The following NR2F1-AS1 variants were observed in gnomAD, a reference collection of about 807,000 sequenced individuals.
NR2F1-AS1 encodes the protein NR2F1 regulatory antisense RNA 1.
chr5:93,468,104 G>A (rs890619825), intron 4 of NR2F1-AS1, among the ~76,000 whole-genome samples: 10 of 152,110 alleles, frequency 6.6e-5, no homozygotes, highest in African/African-American at 2.4e-4. Context: ...GAATAGTGCC[G>A]CAATAAACAT....
chr5:93,479,587 C>A (rs956999050), intron 4 of NR2F1-AS1, among the ~76,000 whole-genome samples: 1 of 152,114 alleles, frequency 6.6e-6, no homozygotes, highest in African/African-American at 2.4e-5. Context: ...TGCCACATTA[C>A]GGTATTCAAA....
At chr5:93,453,947 TA>T (rs1212005836) in intron 4 of NR2F1-AS1, among the ~76,000 whole-genome samples, 2 of 152,042 alleles carry the variant, frequency 1.3e-5, no homozygotes, top group Non-Finnish European at 2.9e-5. Context: ...AATATGTGAG[TA>T]AAAATAAATG....
intron 4 of NR2F1-AS1, among the ~76,000 whole-genome samples, chr5:93,472,983 T>A (rs1021938389): frequency 6.6e-6 from 1 of 151,930 alleles, no homozygotes; most frequent in Non-Finnish European, 1.5e-5. Flanking sequence ...TTGCCTATTT[T>A]TACCAATATA....
At chr5:93,455,773 T>C (rs539927757) in intron 4 of NR2F1-AS1, among the ~76,000 whole-genome samples, 2 of 152,060 alleles carry the variant, frequency 1.3e-5, no homozygotes, top group East Asian at 1.9e-4. Context: ...AAAAGCATTT[T>C]TTCTGGAAAT....
chr5:93,510,285 T>C (rs1227086948), intron 4 of NR2F1-AS1, among the ~76,000 whole-genome samples: 1 of 152,152 alleles, frequency 6.6e-6, no homozygotes, highest in Non-Finnish European at 1.5e-5. Context: ...TTCACTGCAA[T>C]TCTTTTAAGT....
intron 4 of NR2F1-AS1, among the ~76,000 whole-genome samples, chr5:93,428,211 G>A (rs1305072194): frequency 6.6e-6 from 1 of 152,144 alleles, no homozygotes; most frequent in East Asian, 1.9e-4. Context: ...TATTTCACCT[G>A]CTCTTACAAT....
intron 1 of NR2F1-AS1, among the ~76,000 whole-genome samples, chr5:93,564,154 A>C (rs71639286): frequency 7.3e-6 from 1 of 136,784 alleles, no homozygotes; most frequent in African/African-American, 2.7e-5. Context: ...AAAAAAACAC[A>C]CAACTACCTG....
intron 4 of NR2F1-AS1, among the ~76,000 whole-genome samples, chr5:93,517,640 A>G (rs533301074): frequency 1.3e-5 from 2 of 152,192 alleles, no homozygotes; most frequent in East Asian, 1.9e-4. Context: ...GCAAATTTTA[A>G]AAGAATGAAG....
intron 4 of NR2F1-AS1, among the ~76,000 whole-genome samples, chr5:93,487,092 T>C (rs1750740736): frequency 6.6e-6 from 1 of 152,196 alleles, no homozygotes; most frequent in South Asian, 2.1e-4. Flanking sequence ...TGATGGGACG[T>C]ATCTCAAAAT....
At chr5:93,446,680 T>G (rs924370060) in intron 4 of NR2F1-AS1, among the ~76,000 whole-genome samples, 1 of 152,198 alleles carries the variant, frequency 6.6e-6, no homozygotes, top group Non-Finnish European at 1.5e-5. Flanking sequence ...AATGACTTTC[T>G]TCACAGAATT....
chr5:93,459,163 T>C (rs369033380), intron 4 of NR2F1-AS1, among the ~76,000 whole-genome samples: 2 of 152,118 alleles, frequency 1.3e-5, no homozygotes, highest in Non-Finnish European at 2.9e-5. Context: ...TTTTTTAAAA[T>C]AGACAAGCTT....
intron 4 of NR2F1-AS1, among the ~76,000 whole-genome samples, chr5:93,451,549 T>C (rs1287210368): frequency 2.0e-5 from 3 of 151,972 alleles, no homozygotes; most frequent in African/African-American, 7.3e-5. Flanking sequence ...ACCACAAGCA[T>C]GTACCACCAC....
At chr5:93,456,981 T>G (rs986780319) in intron 4 of NR2F1-AS1, among the ~76,000 whole-genome samples, 3 of 152,214 alleles carry the variant, frequency 2.0e-5, no homozygotes, top group Non-Finnish European at 4.4e-5. Context: ...GCCGCCAGCA[T>G]GTCTCACCTC....
At chr5:93,471,999 AC>A (rs951921210) in intron 4 of NR2F1-AS1, among the ~76,000 whole-genome samples, 4 of 151,822 alleles carry the variant, frequency 2.6e-5, no homozygotes, top group Admixed American at 2.6e-4. Flanking sequence ...TACAATCTAA[AC>A]CCTTTATTTC....
intron 1 of NR2F1-AS1, among the ~76,000 whole-genome samples, chr5:93,575,944 A>G (rs1352975558): frequency 6.6e-6 from 1 of 152,214 alleles, no homozygotes; most frequent in African/African-American, 2.4e-5. Flanking sequence ...CTTTAAGTAC[A>G]TGTGTGCAGA....
intron 4 of NR2F1-AS1, among the ~76,000 whole-genome samples, chr5:93,537,831 A>C (rs1198317544): frequency 6.6e-6 from 1 of 152,156 alleles, no homozygotes. Flanking sequence ...ATTTCATTCA[A>C]TGTCCTTCAT....
chr5:93,524,652 A>G lies in NR2F1-AS1; in HGVS notation n.638+29109T>C, dbSNP rs1420873504. On this transcript the variant is annotated intron_variant and non_coding_transcript_variant, in intron 4 of 5. Coordinates refer to ENST00000660523, the Ensembl canonical transcript of NR2F1-AS1. ...AAGGGAAGCCCATCAGACAAACAGCAGATCTCTCTGCAGAAACCCTACAAG... is the reference window on the plus strand; with the variant it reads ...AAGGGAAGCCCATCAGACAAACAGCGGATCTCTCTGCAGAAACCCTACAAG... Among the ~76,000 whole-genome samples, 4 of 152,190 alleles carry G rather than the reference A, an allele frequency of 2.6e-5. No individual in the cohort carries two copies. The East Asian group carries it at 7.7e-4, about 29-fold the overall frequency.
intron 4 of NR2F1-AS1, among the ~76,000 whole-genome samples, chr5:93,457,324 G>A (rs959134071): frequency 2.6e-5 from 4 of 152,142 alleles, no homozygotes; most frequent in African/African-American, 4.8e-5. Context: ...TTAGGGAGTG[G>A]TGATGACTTT....
At chr5:93,557,098 C>A (rs925100067) in intron 2 of NR2F1-AS1, among the ~76,000 whole-genome samples, 10 of 152,112 alleles carry the variant, frequency 6.6e-5, no homozygotes, top group African/African-American at 2.2e-4. Context: ...TATATAGTAT[C>A]ATTTATACAG....
Sources: allele counts gnomAD v4.1 joint callset (sites outside exome capture counted in the v4.1 genomes callset), GRCh38; gene constraint gnomAD v4.1.1; transcripts MANE v1.5; gene names NCBI Gene and HGNC (gene_info 2026-07-23, HGNC 2026-07-21).